DYNC1I1: variants seen among roughly 807,000 people sequenced by gnomAD.
The protein encoded by DYNC1I1 is cytoplasmic dynein 1 intermediate chain 1.
In DYNC1I1, 43 loss-of-function variants were observed where a neutral mutation model predicts 86.6. The ratio of observed to expected loss-of-function variants is 0.50; its 90% CI spans 0.39 to 0.64. The LOEUF is 0.64. Ranked by LOEUF, DYNC1I1 falls within the 30% of genes least tolerant of loss-of-function variation. DYNC1I1 has a pLI of 0.00. For synonymous variants in DYNC1I1, 262 were observed against 283.7 expected (o/e 0.92, Z 0.77); for missense variants, 604 against 788.8 (o/e 0.77, Z 2.81).
chr7:95,940,992 C>G (rs1792197520), intron 6 of DYNC1I1, among the ~76,000 whole-genome samples: 1 of 152,176 alleles, frequency 6.6e-6, no homozygotes, highest in South Asian at 2.1e-4. Flanking sequence ...GATGTCCTTT[C>G]TGTTTGTTAG....
At chr7:95,931,387 T>C (rs1046375192) in intron 6 of DYNC1I1, among the ~76,000 whole-genome samples, 2 of 152,170 alleles carry the variant, frequency 1.3e-5, no homozygotes, top group Non-Finnish European at 2.9e-5. Flanking sequence ...TGGCCTCAAG[T>C]GATCCACCCA....
intron 6 of DYNC1I1, among the ~76,000 whole-genome samples, chr7:95,959,083 T>G (rs1476250391): frequency 6.6e-6 from 1 of 151,910 alleles, no homozygotes; most frequent in Non-Finnish European, 1.5e-5. Flanking sequence ...AGAAGCAAAA[T>G]CAAGGGCACT....
rs79635745 is a variant in DYNC1I1 at position 95,891,775 on chromosome 7, G to C, written c.490+21777G>C. Among the ~76,000 whole-genome samples the C allele has an allele frequency of 2.5e-3, 381 of 152,188 alleles. 14 individuals carry two copies. In the East Asian group the frequency reaches 0.046, roughly 18 times the overall value. ...CTGCTCACTGTTTGCACAATTTGAA[G>C]TTAAATGATTTGGGGTGTGTACTCT... On this transcript the variant is annotated intron_variant, in intron 6 of 16. Transcript: ENST00000447467.
At chr7:96,025,310 CAT>C (rs528550020) in intron 10 of DYNC1I1, among the ~76,000 whole-genome samples, 43 of 151,784 alleles carry the variant, frequency 2.8e-4, no homozygotes, top group Middle Eastern at 6.8e-3. Context: ...TTTATTTTAA[CAT>C]ATATGTCATG....
intron 6 of DYNC1I1, among the ~76,000 whole-genome samples, chr7:95,884,562 A>G (rs1480010085): frequency 1.3e-5 from 2 of 152,308 alleles, no homozygotes; most frequent in Non-Finnish European, 2.9e-5. Flanking sequence ...TGAGAAACTC[A>G]GGCTGTGATT....
At chr7:95,846,908 T>C (rs1417464817) in intron 5 of DYNC1I1, among the ~76,000 whole-genome samples, 2 of 152,192 alleles carry the variant, frequency 1.3e-5, no homozygotes, top group Non-Finnish European at 2.9e-5. Context: ...TTTCTATAGA[T>C]CCAACATTTT....
intron 9 of DYNC1I1, among the ~76,000 whole-genome samples, chr7:95,989,509 G>A (rs189439295): frequency 5.1e-4 from 78 of 152,274 alleles, no homozygotes; most frequent in African/African-American, 1.8e-3. Context: ...AATTACACAG[G>A]AACCTTATCT....
At chr7:96,031,682 T>C (rs1050392773) in intron 11 of DYNC1I1, among the ~76,000 whole-genome samples, 1 of 152,164 alleles carries the variant, frequency 6.6e-6, no homozygotes, top group African/African-American at 2.4e-5. Context: ...ATATTAAATA[T>C]TGTTTCATTG....
chr7:95,977,436 C>A, intron 6 of DYNC1I1, 76 bp from the exon 7 acceptor site: 1 of 1,396,880 alleles, frequency 7.2e-7, no homozygotes, highest in Non-Finnish European at 9.9e-7. Context: ...ACCCTTTACC[C>A]CTACCTCCCA....
At chr7:95,874,391 G>GA (rs975786768) in intron 6 of DYNC1I1, among the ~76,000 whole-genome samples, 68 of 151,818 alleles carry the variant, frequency 4.5e-4, no homozygotes, top group African/African-American at 1.5e-3. Flanking sequence ...AGTTTAAACA[G>GA]AAAAAAAGGT....
intron 14 of DYNC1I1, among the ~76,000 whole-genome samples, chr7:96,051,028 T>G (rs1789390682): frequency 6.6e-6 from 1 of 152,206 alleles, no homozygotes; most frequent in South Asian, 2.1e-4. Flanking sequence ...AAGTATGTAC[T>G]CTTGGCTGGA....
At chr7:96,105,022 C>A (rs1465362547) in intron 16 of DYNC1I1, among the ~76,000 whole-genome samples, 1 of 149,444 alleles carries the variant, frequency 6.7e-6, no homozygotes, top group Non-Finnish European at 1.5e-5. Context: ...TAGAGTTCAC[C>A]AATAGGTTGT....
intron 5 of DYNC1I1, among the ~76,000 whole-genome samples, chr7:95,848,260 T>A (rs1351901037): frequency 6.7e-6 from 1 of 148,882 alleles, no homozygotes; most frequent in Non-Finnish European, 1.5e-5. Context: ...TGAAACCCAA[T>A]TGTAAGTTCA....
chr7:95,967,433 C>G (rs1375981354), intron 6 of DYNC1I1, among the ~76,000 whole-genome samples: 1 of 152,118 alleles, frequency 6.6e-6, no homozygotes, highest in Non-Finnish European at 1.5e-5. Flanking sequence ...CTTGGACACT[C>G]CAGGTGCACT....
intron 6 of DYNC1I1, among the ~76,000 whole-genome samples, chr7:95,960,101 G>C (rs1792825936): frequency 6.6e-6 from 1 of 152,050 alleles, no homozygotes; most frequent in Non-Finnish European, 1.5e-5. Context: ...GAAAATGCTG[G>C]AATGTTTTTG....
intron 14 of DYNC1I1, among the ~76,000 whole-genome samples, chr7:96,071,351 C>CTAA (rs1315093258): frequency 6.6e-6 from 1 of 152,150 alleles, no homozygotes; most frequent in African/African-American, 2.4e-5. Context: ...AATCACAAAG[C>CTAA]TAATAGGAGC....
intron 6 of DYNC1I1, among the ~76,000 whole-genome samples, chr7:95,904,226 G>A (rs192643116): frequency 6.6e-6 from 1 of 152,196 alleles, no homozygotes; most frequent in East Asian, 1.9e-4. Flanking sequence ...CCAGAGTACT[G>A]TTACCAAGGA....
intron 4 of DYNC1I1, among the ~76,000 whole-genome samples, chr7:95,823,338 C>A (rs1233016133): frequency 6.6e-6 from 1 of 152,174 alleles, no homozygotes; most frequent in East Asian, 1.9e-4. Context: ...CAATGCCTGG[C>A]TGGCTGGCAC....
intron 6 of DYNC1I1, among the ~76,000 whole-genome samples, chr7:95,921,121 T>C (rs1004951804): frequency 6.6e-6 from 1 of 152,216 alleles, no homozygotes; most frequent in Non-Finnish European, 1.5e-5. Context: ...CGACATGACA[T>C]TGTATTTTCT....
Sources: gnomAD v4.1 joint callset for allele counts (sites outside exome capture counted in the v4.1 genomes callset) on GRCh38, gnomAD v4.1.1 for gene constraint, MANE v1.5 for transcripts, NCBI Gene and HGNC (gene_info 2026-07-23, HGNC 2026-07-21) for gene names.